SERPINE3: variants seen among roughly 807,000 people sequenced by gnomAD.
SERPINE3 encodes serpin E3.
Under a neutral mutation model 41.7 loss-of-function variants are expected in SERPINE3, and 43 were observed. The observed-to-expected ratio is 1.03, with a 90% CI of 0.81 to 1.33. The LOEUF is 1.33. SERPINE3 is among the 40% of genes most tolerant of loss of function. SERPINE3 has a pLI of 0.00. For missense variants in SERPINE3, 440 were observed against 491.7 expected (o/e 0.89, Z 0.99); for synonymous variants, 200 against 192.2 (o/e 1.04, Z -0.34).
intron 6 of SERPINE3, among the ~76,000 whole-genome samples, chr13:51,354,754 T>C (rs1358448024): frequency 6.6e-5 from 10 of 152,014 alleles, no homozygotes; most frequent in Admixed American, 6.6e-4. Context: ...ACAAAATAGC[T>C]GAAGAAAAGA....
chr13:51,347,290 CA>C, intron 5 of SERPINE3, 56 bp downstream of exon 5: 1 of 1,494,346 alleles, frequency 6.7e-7, no homozygotes, highest in Non-Finnish European at 9.3e-7. Context: ...GGCCTGAGGG[CA>C]GGAGAGAGGA....
intron 7 of SERPINE3, among the ~76,000 whole-genome samples, chr13:51,360,529 A>AAT (rs2137824745): frequency 6.6e-6 from 1 of 151,680 alleles, no homozygotes; most frequent in East Asian, 1.9e-4. Context: ...AAAAATGGTT[A>AAT]ATGATTAGCT....
intron 6 of SERPINE3, chr13:51,348,619 T>C (rs769189516): frequency 9.0e-6 from 4 of 442,356 alleles, no homozygotes; most frequent in Non-Finnish European, 1.5e-5. Flanking sequence ...CAGCACAGAC[T>C]GAAATGAACT....
chr13:51,359,846 G>C (rs1406024269), intron 7 of SERPINE3, among the ~76,000 whole-genome samples: 1 of 151,930 alleles, frequency 6.6e-6, no homozygotes, highest in Non-Finnish European at 1.5e-5. Flanking sequence ...TAGTAAGAGG[G>C]GCTAATTATT....
chr13:51,352,481 G>T (rs540518507), intron 6 of SERPINE3, among the ~76,000 whole-genome samples: 285 of 150,740 alleles, frequency 1.9e-3, no homozygotes, highest in African/African-American at 6.2e-3. Context: ...GTTTTTTTTT[G>T]TGTGTGTGGA....
chr13:51,342,428 G>A (rs1369152002), intron 3 of SERPINE3, among the ~76,000 whole-genome samples: 1 of 152,140 alleles, frequency 6.6e-6, no homozygotes, highest in East Asian at 1.9e-4. Flanking sequence ...ACTGTCAAAA[G>A]CATTCAGTGT....
At chr13:51,355,877 CA>C in intron 7 of SERPINE3, among the ~76,000 whole-genome samples, 1 of 152,178 alleles carries the variant, frequency 6.6e-6, no homozygotes, top group Non-Finnish European at 1.5e-5. Context: ...ATTATCTGTG[CA>C]AAGATGATAC....
rs1466457488 is a variant in SERPINE3, at chr13:51,361,572, G to T, written c.1087+208G>T. 3 of 585,886 alleles carry T rather than the reference G, an allele frequency of 5.1e-6. No homozygotes were observed. In the African/African-American group the frequency reaches 5.6e-5, roughly 11 times the overall value. The allele number at this position is 585,886 out of a possible 1,614,324, so 36.3% of individuals were successfully genotyped here. ...ATATCCATCCCATAAAAATAATTCT[G>T]AAAGTTACCTTCAATAAGGAATTTA... On this transcript the variant is annotated intron_variant, in intron 8 of 9. Transcript: ENST00000681248.
rs747790838 is a variant in SERPINE3 at position 51,347,123 on chromosome 13, A to C, written c.589A>C (p.Thr197Pro). 6.2e-7 allele frequency: 1 copy of C among 1,613,382 alleles called. No homozygotes were observed. Among genetic ancestry groups the C allele is most frequent in the Non-Finnish European group, 8.5e-7 (1 of 1,179,676 alleles). ...VLVSTMSFQG[T>P]WRKRFSSTDT... ...TGTGAGCACCATGTCCTTCCAAGGCACTTGGCGAAAGAGATTCTCCTCCAC... is the reference window on the plus strand; with the variant it reads ...TGTGAGCACCATGTCCTTCCAAGGCCCTTGGCGAAAGAGATTCTCCTCCAC... Residue 197 changes from threonine (T) to proline (P), a missense_variant, in exon 5 of 10, where the codon ACT becomes CCT. Coordinates refer to ENST00000681248, the MANE Select transcript of SERPINE3 (RefSeq NM_001386375.1).
Position 51,347,140 on chromosome 13 carries a change from C to T in SERPINE3, c.606C>T (p.Phe202=), listed in dbSNP as rs377539030. ...MSFQGTWRKR[F]SSTDTQILPF... ...TCCAAGGCACTTGGCGAAAGAGATT[C>T]TCCTCCACAGACACACAGATCCTGC... The change falls in exon 5 of 10, where the codon TTC becomes TTT. Residue 202 remains phenylalanine (F), a synonymous_variant. Transcript: ENST00000681248. 1.7e-5 allele frequency: 28 copies of T among 1,613,718 alleles called. No individual in the cohort carries two copies. The highest frequency in any genetic ancestry group is 2.3e-5 in the Non-Finnish European group (27 of 1,179,834).
At chr13:51,342,150 A>G (rs1051275840) in intron 3 of SERPINE3, among the ~76,000 whole-genome samples, 3 of 142,344 alleles carry the variant, frequency 2.1e-5, no homozygotes, top group Non-Finnish European at 4.5e-5. Context: ...TTCCTAGACT[A>G]GGATCTAGGA....
intron 6 of SERPINE3, among the ~76,000 whole-genome samples, chr13:51,351,767 C>T (rs1955405524): frequency 6.6e-6 from 1 of 151,976 alleles, no homozygotes; most frequent in Admixed American, 6.6e-5. Context: ...ACTTTATAGG[C>T]TTAGCTCTTA....
chr13:51,351,229 G>C (rs545718217), intron 6 of SERPINE3, among the ~76,000 whole-genome samples: 1 of 152,242 alleles, frequency 6.6e-6, no homozygotes, highest in South Asian at 2.1e-4. Context: ...CTATCAAACT[G>C]TTTTCCAAGT....
In SERPINE3 at chr13:51,361,744, T is replaced by C. The variant is rs1955581284; in HGVS notation, c.1088-66T>C. On this transcript the variant is annotated intron_variant, in intron 8 of 9. Transcript: ENST00000681248. ...TTTCTTAAAAAATTAACTTACTTCATAACCAATAGTTATTTTCTTAAAAAT... is the reference window on the plus strand; with the variant it reads ...TTTCTTAAAAAATTAACTTACTTCACAACCAATAGTTATTTTCTTAAAAAT... 4 of 1,392,044 alleles carry C rather than the reference T, an allele frequency of 2.9e-6. No homozygotes were observed. In the South Asian group the frequency reaches 4.1e-5, roughly 14 times the overall value. 86.2% of individuals were successfully genotyped at this position (1,392,044 alleles called of 1,614,324 possible). A position where few individuals can be genotyped will look rare whatever the true frequency, so the allele number is the denominator to read the frequency against.
chr13:51,339,926 TAGAA>T (rs990979048), intron 1 of SERPINE3, among the ~76,000 whole-genome samples, 183 bp downstream of exon 1: 4 of 151,148 alleles, frequency 2.6e-5, no homozygotes, highest in African/African-American at 9.8e-5. Context: ...CACACACACA[TAGAA>T]AGAAAGAGAG....
intron 7 of SERPINE3, among the ~76,000 whole-genome samples, chr13:51,359,887 G>C (rs71436249): frequency 2.0e-5 from 3 of 152,140 alleles, no homozygotes; most frequent in Admixed American, 6.6e-5. Context: ...AAAGACCCTA[G>C]AGAAAAAGAC....
At chr13:51,348,150 C>T (rs759691091) in intron 5 of SERPINE3, 63 bp from the exon 6 acceptor site, 37 of 1,305,278 alleles carry the variant, frequency 2.8e-5, no homozygotes, top group South Asian at 4.1e-5. Context: ...TCTCAGGGTC[C>T]GACACTGGTT....
intron 6 of SERPINE3, among the ~76,000 whole-genome samples, chr13:51,351,545 G>A (rs1288917674): frequency 6.6e-6 from 1 of 152,118 alleles, no homozygotes; most frequent in African/African-American, 2.4e-5. Flanking sequence ...TACCTTAACA[G>A]ATATATGATT....
chr13:51,361,996 AG>A (rs1955587407), intron 9 of SERPINE3, 103 bp downstream of exon 9: 1 of 1,610,158 alleles, frequency 6.2e-7, no homozygotes, highest in African/African-American at 1.3e-5. Context: ...CATTCTTTCT[AG>A]CTGTTTTTAT....
Sources: gnomAD v4.1 joint callset for allele counts (sites outside exome capture counted in the v4.1 genomes callset) on GRCh38, gnomAD v4.1.1 for gene constraint, MANE v1.5 for transcripts, NCBI Gene and HGNC (gene_info 2026-07-23, HGNC 2026-07-21) for gene names.